Variants in C2CD3 observed in about 807,000 individuals in gnomAD.
The protein encoded by C2CD3 is C2 domain-containing protein 3.
C2CD3 carries 148 observed loss-of-function variants against 234.0 expected under a neutral mutation model. The ratio of observed to expected loss-of-function variants is 0.63; its 90% CI spans 0.55 to 0.72. The LOEUF is 0.72. Ranked by LOEUF, C2CD3 falls within the 30% of genes least tolerant of loss-of-function variation. C2CD3 has a pLI of 0.00. For missense variants in C2CD3, 2,577 were observed against 2,811.5 expected, an observed-to-expected ratio of 0.92 and a Z score of 1.89; for synonymous variants, 1,000 against 1,035.4, an observed-to-expected ratio of 0.97 and a Z score of 0.66.
intron 3 of C2CD3, among the ~76,000 whole-genome samples, chr11:74,145,188 G>C (rs1474840582): frequency 1.3e-5 from 2 of 152,178 alleles, no homozygotes; most frequent in Non-Finnish European, 2.9e-5. Context: ...CCCACCAGCA[G>C]TGTATAAGCA....
intron 3 of C2CD3, among the ~76,000 whole-genome samples, chr11:74,144,736 G>C (rs1266391311): frequency 6.6e-6 from 1 of 152,072 alleles, no homozygotes; most frequent in Non-Finnish European, 1.5e-5. Flanking sequence ...AGTTTGCTAG[G>C]GATAATGGCC....
chr11:74,170,696 TCTC>T (rs1444215996), intron 1 of C2CD3, 39 bp downstream of exon 1: 13 of 1,612,818 alleles, frequency 8.1e-6, no homozygotes, highest in Non-Finnish European at 1.1e-5. Context: ...TACACCCTGC[TCTC>T]CTATTACGCT....
chr11:74,064,568 C>T lies in C2CD3; in HGVS notation c.4952-7024G>A, dbSNP rs539570388. Among the ~76,000 whole-genome samples the T allele has an allele frequency of 5.1e-3, 769 of 152,276 alleles. 5 individuals are homozygous for T. Among genetic ancestry groups the T allele is most frequent in the African/African-American group, 0.018 (741 of 41,548 alleles). ...ACTTTCTTCACAGAATTGGAAAAAA[C>T]TACTTTAAAGTTCATATGCAATCAA... On this transcript the variant is annotated intron_variant, in intron 24 of 32. Transcript: ENST00000334126.
intron 24 of C2CD3, among the ~76,000 whole-genome samples, chr11:74,067,353 G>C (rs1233180656): frequency 6.6e-6 from 1 of 152,088 alleles, no homozygotes; most frequent in Non-Finnish European, 1.5e-5. Context: ...CTGGAAAAAG[G>C]CTGAACCTGG....
Position 74,087,574 on chromosome 11 carries a change from A to T in C2CD3, c.3642-1688T>A, listed in dbSNP as rs547003783. On this transcript the variant is annotated intron_variant, in intron 20 of 32. Transcript: ENST00000334126. ...AGTGAAACTCCATCTCGAAAAAAAA[A>T]AAATGAGGATAAAATACTCATAGGG... Among the ~76,000 whole-genome samples the T allele has an allele frequency of 2.6e-5, 4 of 152,310 alleles. No individual in the cohort carries two copies. The South Asian group carries it at 6.2e-4, about 24-fold the overall frequency.
Position 74,051,133 on chromosome 11 carries a change from A to AAC in C2CD3, c.5156-1593_5156-1592dup, listed in dbSNP as rs377594267. On this transcript the variant is annotated intron_variant, in intron 26 of 32. Transcript: ENST00000334126. ...ATGACCCCATCTCTAAAAAAAACAA[A>AAC]ACAAAACAAAAAATTTGTGGGGTAT... Among the ~76,000 whole-genome samples, 10 of 151,034 alleles carry AAC rather than the reference A, an allele frequency of 6.6e-5. 1 individual carries two copies. The highest frequency in any genetic ancestry group is 2.5e-4 in the African/African-American group (10 of 40,468).
chr11:74,117,339 T>C (rs1590854843), intron 9 of C2CD3, among the ~76,000 whole-genome samples: 1 of 123,398 alleles, frequency 8.1e-6, no homozygotes. Context: ...TTAGGTGACA[T>C]CGTCTAAGTC....
At chr11:74,117,699 A>G (rs1423753204) in intron 9 of C2CD3, among the ~76,000 whole-genome samples, 1 of 152,026 alleles carries the variant, frequency 6.6e-6, no homozygotes, top group Non-Finnish European at 1.5e-5. Context: ...GGATCACCTG[A>G]GGTTGGGAGT....
intron 32 of C2CD3, among the ~76,000 whole-genome samples, chr11:74,027,922 A>T (rs534507174): frequency 6.6e-6 from 1 of 152,192 alleles, no homozygotes; most frequent in South Asian, 2.1e-4. Context: ...CCTCATCCAG[A>T]TCTTACTGTT....
intron 1 of C2CD3, 56 bp downstream of exon 1, chr11:74,170,682 T>A: frequency 6.2e-7 from 1 of 1,606,050 alleles, no homozygotes; most frequent in Non-Finnish European, 8.5e-7. Flanking sequence ...TCCCTAAAAT[T>A]CCTTACACCC....
Position 74,133,413 on chromosome 11 carries a change from C to T in C2CD3, c.1088+12G>A, listed in dbSNP as rs1159453856. On this transcript the variant is annotated intron_variant, in intron 6 of 32. Transcript: ENST00000334126. ...AATGAACTGTTAAGGTTCTGTCTATCCTGTAACTTACTGTGTTGATGCTCT... is the reference window on the plus strand; with the variant it reads ...AATGAACTGTTAAGGTTCTGTCTATTCTGTAACTTACTGTGTTGATGCTCT... The T allele has an allele frequency of 6.2e-7, 1 of 1,612,348 alleles. No individual in the cohort carries two copies. Among genetic ancestry groups the T allele is most frequent in the Non-Finnish European group, 8.5e-7 (1 of 1,178,564 alleles).
chr11:74,146,791 G>A lies in C2CD3; in HGVS notation c.484-6963C>T, dbSNP rs976605750. On this transcript the variant is annotated intron_variant, in intron 3 of 32. Coordinates refer to ENST00000334126, the MANE Select transcript of C2CD3 (RefSeq NM_001286577.2). Reference sequence around the variant, plus strand: ...ATTCCTGCCAGGCGCGGTGGCTCACGTCTGTAATCCCAGCACTTTGGGAGG... The same window carrying A: ...ATTCCTGCCAGGCGCGGTGGCTCACATCTGTAATCCCAGCACTTTGGGAGG... 5.3e-4 allele frequency among the ~76,000 whole-genome samples: 79 copies of A among 150,056 alleles called. 1 individual carries two copies. Among genetic ancestry groups the A allele is most frequent in the Admixed American group, 4.2e-3 (63 of 14,960 alleles).
intron 22 of C2CD3, among the ~76,000 whole-genome samples, chr11:74,083,483 C>A (rs1044799867): frequency 7.2e-4 from 109 of 152,158 alleles, no homozygotes; most frequent in African/African-American, 2.5e-3. Flanking sequence ...AGCAAAAGAA[C>A]CTACCATTAG....
chr11:74,075,876 A>T (rs1955013583), intron 23 of C2CD3, among the ~76,000 whole-genome samples: 1 of 152,254 alleles, frequency 6.6e-6, no homozygotes, highest in African/African-American at 2.4e-5. Flanking sequence ...AAACACATCA[A>T]ATGACATGCC....
At chr11:74,083,344 A>C (rs964998686) in intron 22 of C2CD3, among the ~76,000 whole-genome samples, 7 of 152,246 alleles carry the variant, frequency 4.6e-5, no homozygotes, top group African/African-American at 1.4e-4. Flanking sequence ...AAACCCTAGA[A>C]GAAAACATAG....
intron 24 of C2CD3, among the ~76,000 whole-genome samples, chr11:74,064,598 G>C (rs556171737): frequency 1.1e-3 from 172 of 152,208 alleles, no homozygotes; most frequent in African/African-American, 3.8e-3. Context: ...AATCAAAAAA[G>C]AGCCCGCATT....
intron 27 of C2CD3, among the ~76,000 whole-genome samples, chr11:74,049,078 CG>C (rs1218874250): frequency 2.0e-5 from 3 of 152,058 alleles, no homozygotes; most frequent in African/African-American, 7.2e-5. Context: ...TTGGAAACTG[CG>C]ATATAATTAA....
At chr11:74,153,068 A>T (rs973070748) in intron 3 of C2CD3, among the ~76,000 whole-genome samples, 1 of 152,158 alleles carries the variant, frequency 6.6e-6, no homozygotes, top group Non-Finnish European at 1.5e-5. Context: ...CTACAAAAAA[A>T]TTTTAAAAAA....
At chr11:74,105,889 T>C (rs1300580935) in intron 13 of C2CD3, among the ~76,000 whole-genome samples, 1 of 152,200 alleles carries the variant, frequency 6.6e-6, no homozygotes, top group South Asian at 2.1e-4. Flanking sequence ...TTCAACATTC[T>C]TTCCTTGGAT....
Sources: allele counts gnomAD v4.1 joint callset (sites outside exome capture counted in the v4.1 genomes callset), GRCh38; gene constraint gnomAD v4.1.1; transcripts MANE v1.5; gene names NCBI Gene and HGNC (gene_info 2026-07-23, HGNC 2026-07-21).